The following MDN1 variants were observed in gnomAD, a reference collection of about 807,000 sequenced individuals.
MDN1 encodes midasin AAA ATPase 1.
A neutral mutation model predicts 669.2 loss-of-function variants in MDN1; 266 were observed. That is an observed-to-expected ratio of 0.40 (90% CI 0.36 to 0.44). The LOEUF (loss-of-function observed/expected upper bound fraction) is 0.44. MDN1 is among the 20% of genes least tolerant of loss of function. MDN1 has a pLI of 1.00. For synonymous variants in MDN1, 2,385 were observed against 2,457.1 expected (o/e 0.97, Z 0.87); for missense variants, 5,940 against 6,754.0 (o/e 0.88, Z 4.22).
chr6:89,797,047 A>T (rs903581901), intron 2 of MDN1, among the ~76,000 whole-genome samples: 1 of 151,686 alleles, frequency 6.6e-6, no homozygotes, highest in African/African-American at 2.4e-5. Flanking sequence ...CAGCATGGGC[A>T]ACAAGAGTGA....
At chr6:89,806,080 GGT>G (rs1232494655) in intron 1 of MDN1, among the ~76,000 whole-genome samples, 1 of 152,060 alleles carries the variant, frequency 6.6e-6, no homozygotes, top group Non-Finnish European at 1.5e-5. Context: ...TAGGATTACA[GGT>G]GTGTGCCACC....
At chr6:89,723,738 A>G in intron 38 of MDN1, 119 bp from the exon 39 acceptor site, 1 of 495,008 alleles carries the variant, frequency 2.0e-6, no homozygotes, top group East Asian at 3.4e-5. Flanking sequence ...CATGAGAAAT[A>G]TAATTTTCAG....
Position 89,662,851 on chromosome 6 carries a change from C to T in MDN1, c.14353G>A (p.Glu4785Lys), listed in dbSNP as rs773371320. The change falls in exon 86 of 102, where the codon GAG (glutamate) becomes AAG (lysine). Residue 4785 changes from glutamate to lysine, a missense_variant. Physicochemically the swap from Glu to Lys is moderately conservative, Grantham distance 56. Transcript: ENST00000369393. ...TTGTCTTCTTCCTCCTCATCTTCCT[C>T]CTCATCATCATCACCCCAAAGCCTC... The part of the protein sequence containing the change: ...DERLWGDDDE[E>K]EDEEEEDNKT... 24 of 1,613,968 alleles carry T rather than the reference C, an allele frequency of 1.5e-5. No individual in the cohort carries two copies. The South Asian group carries it at 2.6e-4, about 18-fold the overall frequency.
intron 90 of MDN1, among the ~76,000 whole-genome samples, chr6:89,657,299 C>T (rs372379211): frequency 3.9e-5 from 6 of 152,214 alleles, no homozygotes; most frequent in African/African-American, 7.2e-5. Context: ...GGTAGTCATA[C>T]GGTATAAGCA....
chr6:89,804,899 G>A (rs1213055019), intron 1 of MDN1, among the ~76,000 whole-genome samples: 2 of 151,948 alleles, frequency 1.3e-5, no homozygotes, highest in African/African-American at 4.8e-5. Flanking sequence ...AGCTGGGCGA[G>A]GTGGCAGGCG....
chr6:89,693,958 C>G, intron 62 of MDN1, 116 bp downstream of exon 62: 1 of 793,484 alleles, frequency 1.3e-6, no homozygotes, highest in South Asian at 1.6e-5. Context: ...GCTTTGGCAT[C>G]TAATTGCTAA....
At chr6:89,805,199 G>A (rs957372105) in intron 1 of MDN1, among the ~76,000 whole-genome samples, 1 of 152,076 alleles carries the variant, frequency 6.6e-6, no homozygotes, top group Non-Finnish European at 1.5e-5. Context: ...TTAAAATGGG[G>A]ACATGCCCTT....
intron 2 of MDN1, among the ~76,000 whole-genome samples, chr6:89,796,809 C>G (rs1224930531): frequency 2.6e-5 from 4 of 152,152 alleles, no homozygotes; most frequent in African/African-American, 9.7e-5. Context: ...TGGCTCACAC[C>G]TGTAATCCCA....
chr6:89,723,666 C>T lies in MDN1; in HGVS notation c.5671-47G>A, dbSNP rs778414769. ...GAAGAAATGCCTTTGTTTCTCTTTA[C>T]CAAACACTAGAAATGACTACCATGT... On this transcript the variant is annotated intron_variant, in intron 38 of 101. Coordinates refer to ENST00000369393, the MANE Select transcript of MDN1 (RefSeq NM_014611.3). The T allele has an allele frequency of 3.5e-6, 4 of 1,133,404 alleles. No homozygotes were observed. In the African/African-American group the frequency reaches 4.8e-5, roughly 14 times the overall value. 70.2% of individuals were successfully genotyped at this position (1,133,404 alleles called of 1,614,324 possible).
At chr6:89,729,840 G>T (rs1815482795) in intron 35 of MDN1, among the ~76,000 whole-genome samples, 1 of 152,096 alleles carries the variant, frequency 6.6e-6, no homozygotes, top group Non-Finnish European at 1.5e-5. Flanking sequence ...GTGGCTTAGA[G>T]AAGGGATTTG....
intron 46 of MDN1, among the ~76,000 whole-genome samples, chr6:89,713,514 G>A (rs1328192993): frequency 6.6e-6 from 1 of 152,136 alleles, no homozygotes; most frequent in Non-Finnish European, 1.5e-5. Context: ...ATGGCTGTCT[G>A]TAGTTTATTA....
At chr6:89,662,297 C>A in intron 86 of MDN1, 58 bp from the exon 87 acceptor site, 1 of 1,546,602 alleles carries the variant, frequency 6.5e-7, no homozygotes, top group South Asian at 1.2e-5. Context: ...ACTGCTTCTG[C>A]ATGGGTTGAC....
At position 89,715,661 on chromosome 6, in the gene MDN1, G is replaced by A; in HGVS notation, c.6852C>T (p.Pro2284=). ...DGSTPTITPN[P]NFRLFLSMDP... ...GTAAGAGATACAAATACCTGAAATT[G>A]GGATTTGGTGTTATCGTGGGAGTGG... The change falls in exon 45 of 102, where the codon CCC becomes CCT. Residue 2284 remains proline (P), a synonymous_variant. Coordinates refer to ENST00000369393, the MANE Select transcript of MDN1 (RefSeq NM_014611.3). 1 of 1,593,736 alleles carries A rather than the reference G, an allele frequency of 6.3e-7. No homozygotes were observed. Among genetic ancestry groups the A allele is most frequent in the Non-Finnish European group, 8.6e-7 (1 of 1,161,464 alleles).
At chr6:89,802,788 CCT>C (rs923999486) in intron 2 of MDN1, among the ~76,000 whole-genome samples, 2 of 152,106 alleles carry the variant, frequency 1.3e-5, no homozygotes, top group Non-Finnish European at 1.5e-5. Flanking sequence ...TTTAAAAACC[CCT>C]GACACTCAGT....
intron 97 of MDN1, among the ~76,000 whole-genome samples, chr6:89,649,680 G>T (rs1201354212): frequency 1.3e-5 from 2 of 151,826 alleles, no homozygotes; most frequent in Non-Finnish European, 2.9e-5. Context: ...GTACACTGTT[G>T]CATTTTCTGC....
At chr6:89,646,124 G>A (rs956702752) in intron 100 of MDN1, among the ~76,000 whole-genome samples, 2 of 152,100 alleles carry the variant, frequency 1.3e-5, no homozygotes, top group East Asian at 3.9e-4. Flanking sequence ...CCATATACTC[G>A]GGTTTTGCAT....
intron 82 of MDN1, 74 bp downstream of exon 82, chr6:89,672,126 G>A (rs968145415): frequency 7.0e-7 from 1 of 1,434,670 alleles, no homozygotes; most frequent in Non-Finnish European, 9.2e-7. Flanking sequence ...TCTACGTGGA[G>A]GGAAGTAAAG....
Position 89,702,149 on chromosome 6 carries a change from C to T in MDN1, c.8149-88G>A, listed in dbSNP as rs528531156. 31 of 1,277,332 alleles carry T rather than the reference C, an allele frequency of 2.4e-5. 1 individual carries two copies. Among genetic ancestry groups the T allele is most frequent in the Middle Eastern group, 4.0e-4 (2 of 5,028 alleles). 79.1% of individuals were successfully genotyped at this position (1,277,332 alleles called of 1,614,324 possible). A position where few individuals can be genotyped will look rare whatever the true frequency, so the allele number is the denominator to read the frequency against. ...AAACAAAGTGAACCAAGACTGCTCA[C>T]CAACATCTCCCGGGAAAAGACACAC... On this transcript the variant is annotated intron_variant, in intron 53 of 101. Coordinates refer to ENST00000369393, the MANE Select transcript of MDN1 (RefSeq NM_014611.3).
chr6:89,713,143 A>G lies in MDN1; in HGVS notation c.7218+5T>C, dbSNP rs781205938. On this transcript the variant is annotated splice_donor_5th_base_variant and intron_variant, in intron 47 of 101. Transcript: ENST00000369393. ...TTAGAAACATTCTGCAATACTTCAT[A>G]GTACCTTCCGGTTTGCTGGTGAATG... 3 of 1,609,602 alleles carry G rather than the reference A, an allele frequency of 1.9e-6. No homozygotes were observed. Among genetic ancestry groups the G allele is most frequent in the Admixed American group, 1.7e-5 (1 of 58,334 alleles).
Sources: gnomAD v4.1 joint callset for allele counts (sites outside exome capture counted in the v4.1 genomes callset) on GRCh38, gnomAD v4.1.1 for gene constraint, MANE v1.5 for transcripts, NCBI Gene and HGNC (gene_info 2026-07-23, HGNC 2026-07-21) for gene names.